ABLIM1: variants seen among roughly 807,000 people sequenced by gnomAD.
ABLIM1 encodes actin binding LIM protein 1.
Under a neutral mutation model 107.0 loss-of-function variants are expected in ABLIM1, and 40 were observed. The ratio of observed to expected loss-of-function variants is 0.37; its 90% CI spans 0.29 to 0.49. ABLIM1 has a LOEUF of 0.49. ABLIM1 is among the 20% of genes least tolerant of loss of function. The pLI, the probability that ABLIM1 is intolerant of heterozygous loss-of-function variation, is 0.97. For missense variants in ABLIM1, 857 were observed against 1,008.5 expected, an observed-to-expected ratio of 0.85 and a Z score of 2.04; for synonymous variants, 357 against 357.3, an observed-to-expected ratio of 1.00 and a Z score of 0.01.
intron 6 of ABLIM1, among the ~76,000 whole-genome samples, chr10:114,513,106 C>G (rs554214688): frequency 3.3e-5 from 5 of 152,150 alleles, no homozygotes; most frequent in Non-Finnish European, 7.3e-5. Flanking sequence ...CCCAGAAAAC[C>G]TAAACCTTTG....
At chr10:114,722,216 G>A (rs2081863203) in intron 1 of ABLIM1, among the ~76,000 whole-genome samples, 1 of 152,294 alleles carries the variant, frequency 6.6e-6, no homozygotes, top group East Asian at 1.9e-4. Context: ...TGTACAGGAA[G>A]CATGGCTGGG....
intron 1 of ABLIM1, among the ~76,000 whole-genome samples, chr10:114,704,456 C>G (rs1336268346): frequency 6.6e-6 from 1 of 151,616 alleles, no homozygotes; most frequent in Non-Finnish European, 1.5e-5. Flanking sequence ...TGGGGATTAT[C>G]TATAAATCTG....
chr10:114,693,921 C>CCGCATTGCCCTCCCAG (rs2081141773), intron 1 of ABLIM1, among the ~76,000 whole-genome samples: 1 of 151,976 alleles, frequency 6.6e-6, no homozygotes, highest in East Asian at 1.9e-4. Context: ...CCTTGCCCTC[C>CCGCATTGCCCTCCCAG]CAAAGTGCTG....
the ABLIM1 span, among the ~76,000 whole-genome samples, chr10:114,776,496 G>A: frequency 2.6e-5 from 4 of 151,826 alleles, no homozygotes; most frequent in South Asian, 6.2e-4. Context: ...GCCTGTAGCC[G>A]CAGCTACTCG....
At chr10:114,735,531 G>A (rs898740326) in intron 1 of ABLIM1, among the ~76,000 whole-genome samples, 2 of 152,120 alleles carry the variant, frequency 1.3e-5, no homozygotes, top group South Asian at 2.1e-4. Context: ...GTGCAGTGGC[G>A]CGATCTCGGC....
At chr10:114,557,304 T>A (rs1027693542) in intron 4 of ABLIM1, among the ~76,000 whole-genome samples, 1 of 152,170 alleles carries the variant, frequency 6.6e-6, no homozygotes, top group African/African-American at 2.4e-5. Context: ...GCCTCTGAAG[T>A]GCTATTTTAA....
At chr10:114,485,468 A>C (rs1221733041) in intron 8 of ABLIM1, 18 of 1,216,538 alleles carry the variant, frequency 1.5e-5, no homozygotes, top group Middle Eastern at 1.9e-4. Flanking sequence ...ACAAAACAAC[A>C]ACCACCTTAG....
intron 1 of ABLIM1, among the ~76,000 whole-genome samples, chr10:114,639,373 G>A (rs572303945): frequency 3.9e-5 from 6 of 152,310 alleles, no homozygotes; most frequent in South Asian, 2.1e-4. Context: ...TAAAGCAGAC[G>A]TGTCCATGGT....
chr10:114,753,857 T>G (rs1029986452), intron 1 of ABLIM1, among the ~76,000 whole-genome samples: 3 of 152,124 alleles, frequency 2.0e-5, no homozygotes, highest in African/African-American at 4.8e-5. Flanking sequence ...TTGTTTGTTT[T>G]GTTTTTTGAG....
chr10:114,603,192 C>T (rs2076156573), intron 1 of ABLIM1, among the ~76,000 whole-genome samples: 1 of 152,202 alleles, frequency 6.6e-6, no homozygotes, highest in African/African-American at 2.4e-5. Flanking sequence ...ATTGCTGAAA[C>T]TCAGTTTAGA....
At chr10:114,713,606 A>T (rs2081599342) in intron 1 of ABLIM1, among the ~76,000 whole-genome samples, 1 of 152,090 alleles carries the variant, frequency 6.6e-6, no homozygotes, top group Non-Finnish European at 1.5e-5. Context: ...AAAGCATAAC[A>T]TTTTCATTTG....
chr10:114,441,721 C>T lies in ABLIM1; in HGVS notation c.1998+1G>A. ...AACAATGAATCGGGGAGAAATCTTA[C>T]CCGGTGAAGCCCATTTCTTCCATAG... is the stretch of plus-strand genomic sequence containing the variant. On this transcript the variant is annotated splice_donor_variant, in intron 18 of 22. Coordinates refer to ENST00000533213, the MANE Select transcript of ABLIM1 (RefSeq NM_002313.7). LOFTEE classifies it high-confidence loss of function. 1 of 1,612,846 alleles carries T rather than the reference C, an allele frequency of 6.2e-7. No homozygotes were observed. The highest frequency in any genetic ancestry group is 8.5e-7 in the Non-Finnish European group (1 of 1,178,884).
At chr10:114,519,374 T>G (rs1166851662) in intron 6 of ABLIM1, among the ~76,000 whole-genome samples, 1 of 152,216 alleles carries the variant, frequency 6.6e-6, no homozygotes, top group African/African-American at 2.4e-5. Context: ...TCTTCCTGGT[T>G]GGTGCAAGGC....
At position 114,544,813 on chromosome 10, in the gene ABLIM1, C is replaced by T. The variant is rs114841161; in HGVS notation, c.894+192G>A. Among the ~76,000 whole-genome samples the T allele has an allele frequency of 4.0e-3, 604 of 152,128 alleles. 4 individuals carry two copies. The highest frequency in any genetic ancestry group is 0.014 in the African/African-American group (582 of 41,488). ...TTTTTTTCCTGTGCAAATTCTCCAT[C>T]ATTCTAATTTCCACGTGAGCCTTTG... On this transcript the variant is annotated intron_variant, in intron 6 of 22. Coordinates refer to ENST00000533213, the MANE Select transcript of ABLIM1 (RefSeq NM_002313.7).
At chr10:114,704,271 G>GCGCTCT (rs1415589522) in intron 1 of ABLIM1, among the ~76,000 whole-genome samples, 1 of 40,958 alleles carries the variant, frequency 2.4e-5, no homozygotes, top group South Asian at 1.6e-3. Context: ...TCTCTCTCTC[G>GCGCTCT]CTCTCTCTCT....
At chr10:114,664,977 G>A (rs1354747303) in intron 1 of ABLIM1, among the ~76,000 whole-genome samples, 2 of 151,956 alleles carry the variant, frequency 1.3e-5, no homozygotes, top group Non-Finnish European at 1.5e-5. Flanking sequence ...AATTAGCCGG[G>A]TGCGGTGGCA....
the ABLIM1 span, among the ~76,000 whole-genome samples, chr10:114,790,121 A>G: frequency 6.6e-6 from 1 of 151,682 alleles, no homozygotes; most frequent in Non-Finnish European, 1.5e-5. Context: ...TGGATATTTG[A>G]CCTTTGTTAG....
At chr10:114,518,283 TC>T (rs1390991127) in intron 6 of ABLIM1, among the ~76,000 whole-genome samples, 1 of 152,086 alleles carries the variant, frequency 6.6e-6, no homozygotes, top group Non-Finnish European at 1.5e-5. Context: ...GACCCAACTC[TC>T]AACAATAGCT....
At chr10:114,564,367 C>A (rs1247268086) in intron 4 of ABLIM1, among the ~76,000 whole-genome samples, 1 of 151,956 alleles carries the variant, frequency 6.6e-6, no homozygotes, top group Non-Finnish European at 1.5e-5. Flanking sequence ...CGGGTTCAAG[C>A]GATTCTTCTC....
Sources: gnomAD v4.1 joint callset for allele counts (sites outside exome capture counted in the v4.1 genomes callset) on GRCh38, gnomAD v4.1.1 for gene constraint, MANE v1.5 for transcripts, NCBI Gene and HGNC (gene_info 2026-07-23, HGNC 2026-07-21) for gene names.